SORCS1: variants seen among roughly 807,000 people sequenced by gnomAD.
SORCS1 encodes the protein VPS10 domain-containing receptor SorCS1.
A neutral mutation model predicts 146.1 loss-of-function variants in SORCS1; 60 were observed. That is an observed-to-expected ratio of 0.41 (90% CI 0.33 to 0.51). The LOEUF (loss-of-function observed/expected upper bound fraction) is 0.51, where lower values mean the gene tolerates loss of function less well. Among genes scored for constraint, SORCS1 ranks in the 20% least tolerant of loss-of-function variants. The pLI, the probability that SORCS1 is intolerant of heterozygous loss-of-function variation, is 0.21. For missense variants in SORCS1, 1,352 were observed against 1,487.6 expected (o/e 0.91, Z 1.50); for synonymous variants, 637 against 584.0 (o/e 1.09, Z -1.31).
At chr10:106,764,270 T>C (rs147941702) in intron 4 of SORCS1, among the ~76,000 whole-genome samples, 132 of 152,314 alleles carry the variant, frequency 8.7e-4, no homozygotes, top group African/African-American at 3.0e-3. Context: ...AAAAAATTAA[T>C]TGTCCAGCCT....
At chr10:106,790,988 A>G (rs924526373) in intron 3 of SORCS1, among the ~76,000 whole-genome samples, 4 of 152,248 alleles carry the variant, frequency 2.6e-5, no homozygotes, top group Non-Finnish European at 5.9e-5. Context: ...AAGCATCACT[A>G]TGCAGAGATT....
At position 106,748,990 on chromosome 10, in the gene SORCS1, T is replaced by C. The variant is rs112186391; in HGVS notation, c.959+12598A>G. Among the ~76,000 whole-genome samples the C allele has an allele frequency of 9.2e-3, 1,398 of 152,332 alleles. 22 individuals carry two copies. The highest frequency in any genetic ancestry group is 0.032 in the African/African-American group (1,328 of 41,574). ...AAAGTTATTTATCACATTTAAGTTA[T>C]GGAGGAACAGAAATGCCATCATGCT... On this transcript the variant is annotated intron_variant, in intron 5 of 25. Coordinates refer to ENST00000263054, the MANE Select transcript of SORCS1 (RefSeq NM_052918.5).
chr10:106,948,114 T>C (rs926861126), intron 2 of SORCS1, among the ~76,000 whole-genome samples: 3 of 152,160 alleles, frequency 2.0e-5, no homozygotes, highest in Non-Finnish European at 4.4e-5. Context: ...CAGTGAATAG[T>C]ATACTTCTAT....
intron 9 of SORCS1, among the ~76,000 whole-genome samples, chr10:106,694,857 C>T (rs1445862107): frequency 6.6e-6 from 1 of 152,162 alleles, no homozygotes; most frequent in Non-Finnish European, 1.5e-5. Flanking sequence ...CAACACAACC[C>T]TTTGCACTCA....
intron 6 of SORCS1, among the ~76,000 whole-genome samples, chr10:106,719,418 CTTTTTTTT>C (rs11299932): frequency 7.4e-6 from 1 of 135,974 alleles, no homozygotes; most frequent in Non-Finnish European, 1.6e-5. Flanking sequence ...TTCTTTCTTT[CTTTTTTTT>C]TTTTTTTGAT....
At position 106,585,911 on chromosome 10, in the gene SORCS1, C is replaced by T. The variant is rs372981571; in HGVS notation, c.3266-6437G>A. 4.5e-4 allele frequency among the ~76,000 whole-genome samples: 69 copies of T among 152,342 alleles called. No individual in the cohort carries two copies. In the South Asian group the frequency reaches 0.013, roughly 29 times the overall value. ...CAGCCTGCAGGCAGCTGACCCGTAA[C>T]ATGTGAGACAGACCAGCCAAGATCA... On this transcript the variant is annotated intron_variant, in intron 24 of 25. Transcript: ENST00000263054.
intron 1 of SORCS1, among the ~76,000 whole-genome samples, chr10:107,116,823 T>A (rs1966071156): frequency 6.6e-6 from 1 of 152,226 alleles, no homozygotes; most frequent in Admixed American, 6.5e-5. Context: ...ATTGAGTATA[T>A]ATGATTTTTA....
chr10:107,007,069 A>T (rs190059677), intron 1 of SORCS1, among the ~76,000 whole-genome samples: 3 of 152,212 alleles, frequency 2.0e-5, no homozygotes, highest in Admixed American at 2.0e-4. Flanking sequence ...TCAATTTTGT[A>T]GTAATTAGTT....
chr10:106,832,010 C>A (rs937257010), intron 2 of SORCS1, among the ~76,000 whole-genome samples: 3 of 152,138 alleles, frequency 2.0e-5, no homozygotes, highest in African/African-American at 7.2e-5. Flanking sequence ...GAGGAGCATT[C>A]CAGAGCTATT....
Position 107,063,557 on chromosome 10 carries a change from C to T in SORCS1, c.558+100412G>A, listed in dbSNP as rs114659565. Among the ~76,000 whole-genome samples, 112 of 152,250 alleles carry T rather than the reference C, an allele frequency of 7.4e-4. 1 individual carries two copies. The highest frequency in any genetic ancestry group is 2.6e-3 in the African/African-American group (106 of 41,552). Reference sequence around the variant, plus strand: ...GTCTGACACTAGAAGATGTTTAATGCAATTTAATATCCTTTTGATAATTTG... The same window carrying T: ...GTCTGACACTAGAAGATGTTTAATGTAATTTAATATCCTTTTGATAATTTG... On this transcript the variant is annotated intron_variant, in intron 1 of 25. Coordinates refer to ENST00000263054, the MANE Select transcript of SORCS1 (RefSeq NM_052918.5).
intron 2 of SORCS1, among the ~76,000 whole-genome samples, chr10:106,926,405 C>T (rs7083232): frequency 1.7e-3 from 255 of 152,236 alleles, no homozygotes; most frequent in Non-Finnish European, 2.9e-3. Flanking sequence ...ATCTCCTTAT[C>T]TTCCTGAGCC....
intron 3 of SORCS1, among the ~76,000 whole-genome samples, chr10:106,828,802 T>TA (rs1300626333): frequency 1.3e-5 from 2 of 152,038 alleles, no homozygotes; most frequent in East Asian, 3.9e-4. Context: ...ATTTTCTTCC[T>TA]AAAAAATGAC....
chr10:107,052,705 T>C (rs1960229978), intron 1 of SORCS1, among the ~76,000 whole-genome samples: 1 of 152,186 alleles, frequency 6.6e-6, no homozygotes, highest in Admixed American at 6.5e-5. Context: ...TATTTTCCTC[T>C]TCTTCTCATA....
rs869027396 is a variant in SORCS1, at chr10:106,896,889, G to GTT, written c.626+59622_626+59623dup. On this transcript the variant is annotated intron_variant, in intron 2 of 25. Coordinates refer to ENST00000263054, the MANE Select transcript of SORCS1 (RefSeq NM_052918.5). ...TTCCATAATCTATGCACCAAATACT[G>GTT]TTTTTTTTTTTTTTTTTTTGAGATG... 5.5e-3 allele frequency among the ~76,000 whole-genome samples: 664 copies of GTT among 119,846 alleles called. 15 individuals are homozygous for GTT. The highest frequency in any genetic ancestry group is 0.013 in the African/African-American group (390 of 29,860). The allele number at this position is 119,846 out of a possible 152,430, so 78.6% of individuals were successfully genotyped here. A position where few individuals can be genotyped will look rare whatever the true frequency, so the allele number is the denominator to read the frequency against.
At chr10:106,887,648 TA>T (rs1162019829) in intron 2 of SORCS1, among the ~76,000 whole-genome samples, 1 of 152,062 alleles carries the variant, frequency 6.6e-6, no homozygotes, top group African/African-American at 2.4e-5. Flanking sequence ...AGCCTTTCAA[TA>T]AGTGGTAATT....
intron 1 of SORCS1, among the ~76,000 whole-genome samples, chr10:107,034,345 T>C (rs1958795193): frequency 6.6e-6 from 1 of 151,970 alleles, no homozygotes; most frequent in African/African-American, 2.4e-5. Flanking sequence ...GAGGCATTTG[T>C]GCGCTTTCCA....
At chr10:106,719,703 G>A (rs1002412139) in intron 6 of SORCS1, among the ~76,000 whole-genome samples, 3 of 152,118 alleles carry the variant, frequency 2.0e-5, no homozygotes, top group African/African-American at 7.2e-5. Flanking sequence ...GAGCCACTGC[G>A]CCCGGCCTCA....
At position 106,652,553 on chromosome 10, in the gene SORCS1, C is replaced by G. The variant is rs367674203; in HGVS notation, c.2304G>C (p.Gly768=). 6.2e-7 allele frequency: 1 copy of G among 1,610,490 alleles called. No homozygotes were observed. Among genetic ancestry groups the G allele is most frequent in the Admixed American group, 1.7e-5 (1 of 59,590 alleles). ...SLGQSYLNST[G]YRKVVSNNCT... ...AATTATTGGAAACCACCTTCCTGTA[C>G]CTAAATGGAAAAAAGCTCAAGTCGT... is the stretch of plus-strand genomic sequence containing the variant. Residue 768 remains glycine, a splice_region_variant and synonymous_variant, in exon 18 of 26, where the codon GGG becomes GGC. Transcript: ENST00000263054.
At chr10:106,717,449 G>A (rs760827762) in intron 6 of SORCS1, among the ~76,000 whole-genome samples, 1 of 152,246 alleles carries the variant, frequency 6.6e-6, no homozygotes, top group African/African-American at 2.4e-5. Context: ...ATACTTCTGT[G>A]AAAATTATAG....
Sources: allele counts gnomAD v4.1 joint callset (sites outside exome capture counted in the v4.1 genomes callset), GRCh38; gene constraint gnomAD v4.1.1; transcripts MANE v1.5; gene names NCBI Gene and HGNC (gene_info 2026-07-23, HGNC 2026-07-21).